Variants in WARS2 observed in about 807,000 individuals in gnomAD.
The protein encoded by WARS2 is tryptophanyl tRNA synthetase 2, mitochondrial.
Under a neutral mutation model 36.5 loss-of-function variants are expected in WARS2, and 28 were observed. The observed-to-expected ratio is 0.77, with a 90% confidence interval of 0.57 to 1.05. WARS2 has a LOEUF of 1.05. WARS2 is among the 50% of genes least tolerant of loss of function. The pLI is 0.00. For synonymous variants in WARS2, 174 were observed against 178.4 expected (o/e 0.98, Z 0.20); for missense variants, 435 against 456.8 (o/e 0.95, Z 0.44).
intron 2 of WARS2, among the ~76,000 whole-genome samples, chr1:119,054,614 A>C (rs1418947736): frequency 6.6e-6 from 1 of 152,228 alleles, no homozygotes; most frequent in Non-Finnish European, 1.5e-5. Flanking sequence ...TGCCCAAAAC[A>C]GCATCATTCA....
Position 119,045,610 on chromosome 1 carries a change from G to A in WARS2, c.401C>T (p.Pro134Leu). ...SWILSCMVRL[P>L]RLQHLHQWKA... ...CCACTGATGTAAATGTTGTAATCGA[G>A]GTAGTCTGACCATGCAGGAAAGGAT... The change falls in exon 3 of 6, where the codon CCT (proline) becomes CTT (leucine). Residue 134 changes from proline (P) to leucine (L), a missense_variant. Physicochemically the swap from Pro to Leu is moderately conservative, Grantham distance 98. Transcript: ENST00000235521. 6.3e-7 allele frequency: 1 copy of A among 1,595,286 alleles called. No homozygotes were observed. The highest frequency in any genetic ancestry group is 1.3e-5 in the African/African-American group (1 of 74,836).
intron 2 of WARS2, among the ~76,000 whole-genome samples, chr1:119,059,246 T>G (rs570027384): frequency 7.9e-5 from 12 of 152,114 alleles, no homozygotes; most frequent in Admixed American, 2.6e-4. Flanking sequence ...TTTCTCCCAT[T>G]TTGTAGGTTG....
chr1:119,126,121 C>CATGACCAGGCT (rs1655636428), intron 1 of WARS2, among the ~76,000 whole-genome samples: 1 of 152,046 alleles, frequency 6.6e-6, no homozygotes, highest in Non-Finnish European at 1.5e-5. Context: ...AGCCTGGCCC[C>CATGACCAGGCT]ATGGTCATCA....
intron 1 of WARS2, among the ~76,000 whole-genome samples, chr1:119,129,698 G>A (rs1178607156): frequency 2.0e-5 from 3 of 150,942 alleles, no homozygotes; most frequent in Non-Finnish European, 4.4e-5. Flanking sequence ...CTGGGCAACA[G>A]AGTGATACTC....
intron 1 of WARS2, among the ~76,000 whole-genome samples, chr1:119,122,172 C>T (rs1436538620): frequency 6.6e-6 from 1 of 152,010 alleles, no homozygotes; most frequent in Admixed American, 6.6e-5. Context: ...CCAGAATCTA[C>T]AAAGAACTCA....
intron 3 of WARS2, among the ~76,000 whole-genome samples, chr1:119,043,398 C>G (rs896157910): frequency 1.3e-5 from 2 of 152,138 alleles, no homozygotes; most frequent in Non-Finnish European, 2.9e-5. Context: ...TTGGGATACC[C>G]CTACCAAGGT....
intron 2 of WARS2, among the ~76,000 whole-genome samples, chr1:119,065,887 G>A (rs371962026): frequency 1.2e-3 from 182 of 152,104 alleles, no homozygotes; most frequent in Non-Finnish European, 1.6e-3. Flanking sequence ...CCAATATGTC[G>A]AGACATTCCT....
intron 1 of WARS2, among the ~76,000 whole-genome samples, chr1:119,117,373 C>G (rs184109319): frequency 2.0e-5 from 3 of 152,306 alleles, no homozygotes; most frequent in African/African-American, 7.2e-5. Context: ...AAGACATAAT[C>G]TCTTGGGAGC....
intron 1 of WARS2, among the ~76,000 whole-genome samples, chr1:119,095,297 T>C (rs1354388855): frequency 2.6e-5 from 4 of 152,128 alleles, no homozygotes; most frequent in African/African-American, 9.6e-5. Context: ...ATATATAATT[T>C]ATTAACTTAG....
intron 1 of WARS2, chr1:119,084,953 A>T (rs1228458583): frequency 4.8e-6 from 2 of 413,600 alleles, no homozygotes; most frequent in Non-Finnish European, 9.0e-6. Flanking sequence ...GACTGCATTT[A>T]AAAAACATAA....
chr1:119,085,090 C>T, intron 1 of WARS2: 1 of 766,986 alleles, frequency 1.3e-6, no homozygotes. Flanking sequence ...CAGCTCCTAC[C>T]TCTACTTCTA....
chr1:119,086,223 T>A (rs1310917194), intron 1 of WARS2, among the ~76,000 whole-genome samples: 1 of 152,128 alleles, frequency 6.6e-6, no homozygotes, highest in African/African-American at 2.4e-5. Context: ...ATATTTTCAT[T>A]ATCTCTTGTG....
At chr1:119,099,955 C>T (rs1653738119) in intron 1 of WARS2, among the ~76,000 whole-genome samples, 1 of 152,100 alleles carries the variant, frequency 6.6e-6, no homozygotes. Context: ...ACAAGTAGGA[C>T]CTAATTAAAC....
intron 1 of WARS2, among the ~76,000 whole-genome samples, chr1:119,092,758 A>G (rs963491119): frequency 6.6e-6 from 1 of 152,234 alleles, no homozygotes; most frequent in Admixed American, 6.5e-5. Context: ...GAGAATTGCA[A>G]GAATTAAACA....
At chr1:119,119,971 CAA>C (rs951948263) in intron 1 of WARS2, among the ~76,000 whole-genome samples, 4 of 151,884 alleles carry the variant, frequency 2.6e-5, no homozygotes, top group African/African-American at 9.7e-5. Flanking sequence ...TGAAAGAACA[CAA>C]ATAGACAATC....
chr1:119,085,988 G>A, intron 1 of WARS2: 1 of 1,604,532 alleles, frequency 6.2e-7, no homozygotes, highest in Non-Finnish European at 8.5e-7. Context: ...TCAGGTATCA[G>A]TGCCCAGGCA....
At position 119,045,679 on chromosome 1, in the gene WARS2, G is replaced by C. The variant is rs568073651; in HGVS notation, c.349-17C>G. The C allele has an allele frequency of 1.0e-5, 16 of 1,567,090 alleles. No homozygotes were observed. The South Asian group carries it at 1.7e-4, about 17-fold the overall frequency. On this transcript the variant is annotated splice_polypyrimidine_tract_variant and intron_variant, in intron 2 of 5. Coordinates refer to ENST00000235521, the MANE Select transcript of WARS2 (RefSeq NM_015836.4). Reference sequence around the variant, plus strand: ...TTCAGACACCTAAAGAAATAAAATAGAACATTAGTAAAGGTGGCCAGTGTT... The same window carrying C: ...TTCAGACACCTAAAGAAATAAAATACAACATTAGTAAAGGTGGCCAGTGTT...
chr1:119,060,212 T>C (rs1400415656), intron 2 of WARS2, among the ~76,000 whole-genome samples: 1 of 152,200 alleles, frequency 6.6e-6, no homozygotes, highest in Admixed American at 6.5e-5. Flanking sequence ...CAAAGTACCA[T>C]AGACTGGGCT....
intron 1 of WARS2, among the ~76,000 whole-genome samples, chr1:119,128,535 GAGA>G (rs968541110): frequency 5.9e-5 from 9 of 151,886 alleles, no homozygotes; most frequent in African/African-American, 1.9e-4. Context: ...TTTGAACTGA[GAGA>G]AGTTTAAAAA....
Sources: gnomAD v4.1 joint callset for allele counts (sites outside exome capture counted in the v4.1 genomes callset) on GRCh38, gnomAD v4.1.1 for gene constraint, MANE v1.5 for transcripts, NCBI Gene and HGNC (gene_info 2026-07-23, HGNC 2026-07-21) for gene names.